Variants in KIF16B observed in about 807,000 individuals in gnomAD.
KIF16B encodes the protein kinesin family member 16B, also known as kinesin-like protein KIF16B.
In KIF16B, 98 loss-of-function variants were observed where a neutral mutation model predicts 156.3. The ratio of observed to expected loss-of-function variants is 0.63; its 90% CI spans 0.53 to 0.74. KIF16B has a LOEUF of 0.74. KIF16B is among the 30% of genes least tolerant of loss of function. KIF16B has a pLI of 0.00. For synonymous variants in KIF16B, 564 were observed against 583.7 expected, an observed-to-expected ratio of 0.97 and a Z score of 0.49; for missense variants, 1,421 against 1,606.5, an observed-to-expected ratio of 0.88 and a Z score of 1.97.
rs1489544321 is a variant in KIF16B at position 16,461,893 on chromosome 20, C to G, written c.1303-31911G>C. On this transcript the variant is annotated intron_variant, in intron 12 of 25. Transcript: ENST00000354981. ...TGGCCAAAAGCAGCAGTCTTCAAAG[C>G]GGTAGTTTTCTAAGGGCTAGAACAG... Among the ~76,000 whole-genome samples the G allele has an allele frequency of 2.0e-5, 3 of 152,220 alleles. No homozygotes were observed. In the East Asian group the frequency reaches 5.8e-4, roughly 29 times the overall value.
At chr20:16,310,587 C>T (rs2063604764) in intron 25 of KIF16B, among the ~76,000 whole-genome samples, 1 of 152,176 alleles carries the variant, frequency 6.6e-6, no homozygotes, top group South Asian at 2.1e-4. Flanking sequence ...AACCATCATT[C>T]TCCATGTTTC....
chr20:16,430,707 C>A (rs970873482), intron 12 of KIF16B, among the ~76,000 whole-genome samples: 1 of 152,018 alleles, frequency 6.6e-6, no homozygotes, highest in African/African-American at 2.4e-5. Context: ...CACTGACTCT[C>A]CTGATGGTCT....
intron 25 of KIF16B, among the ~76,000 whole-genome samples, chr20:16,291,180 G>A (rs6080209): frequency 6.6e-6 from 1 of 152,142 alleles, no homozygotes; most frequent in Non-Finnish European, 1.5e-5. Context: ...ACCTTAATTC[G>A]AAAAATTTCA....
chr20:16,392,839 T>C (rs929177199), intron 17 of KIF16B, among the ~76,000 whole-genome samples: 1 of 152,238 alleles, frequency 6.6e-6, no homozygotes. Context: ...TAAGCAGCAG[T>C]TGCCATCAAA....
Position 16,336,003 on chromosome 20 carries a change from C to T in KIF16B, c.3634G>A (p.Asp1212Asn), listed in dbSNP as rs866157318. ...CGCCTGAATACAGTCCATGTCTCAT[C>T]TAGGACAGTAATCTATTAACCAGGA... is the stretch of plus-strand genomic sequence containing the variant. The part of the protein sequence containing the change: ...FEFEVKITVL[D>N]ETWTVFRRYS... The change falls in exon 24 of 26, where the codon GAT becomes AAT. Residue 1212 changes from aspartate to asparagine, a missense_variant. Physicochemically the swap from Asp to Asn is conservative, Grantham distance 23. Coordinates refer to ENST00000354981, the MANE Select transcript of KIF16B (RefSeq NM_024704.5). 1.9e-6 allele frequency: 3 copies of T among 1,600,986 alleles called. No individual in the cohort carries two copies. The highest frequency in any genetic ancestry group is 2.6e-6 in the Non-Finnish European group (3 of 1,172,662).
chr20:16,274,478 G>A (rs1461642534), intron 25 of KIF16B, among the ~76,000 whole-genome samples: 5 of 152,188 alleles, frequency 3.3e-5, no homozygotes, highest in Admixed American at 6.5e-5. Context: ...TTTAGGCCAG[G>A]CAAATCTCAT....
chr20:16,299,442 G>A (rs569701237), intron 25 of KIF16B, among the ~76,000 whole-genome samples: 1 of 152,294 alleles, frequency 6.6e-6, no homozygotes, highest in East Asian at 1.9e-4. Context: ...TGGAAAGTTT[G>A]AGATGGTTGT....
At chr20:16,463,397 A>C (rs1253736695) in intron 12 of KIF16B, among the ~76,000 whole-genome samples, 2 of 152,222 alleles carry the variant, frequency 1.3e-5, no homozygotes, top group East Asian at 3.8e-4. Context: ...TCCCTCTCAA[A>C]GTATCCTAGC....
chr20:16,523,226 G>A (rs1036362707), intron 3 of KIF16B, among the ~76,000 whole-genome samples: 5 of 152,198 alleles, frequency 3.3e-5, no homozygotes, highest in African/African-American at 1.2e-4. Flanking sequence ...ATTCGAATAA[G>A]AAGAGAGAAA....
chr20:16,364,250 G>T (rs1484833933), intron 22 of KIF16B, among the ~76,000 whole-genome samples: 1 of 152,108 alleles, frequency 6.6e-6, no homozygotes, highest in Non-Finnish European at 1.5e-5. Flanking sequence ...TGTAAAACAG[G>T]CAGCTGTGCA....
intron 22 of KIF16B, among the ~76,000 whole-genome samples, chr20:16,361,571 A>G (rs2064553378): frequency 6.6e-6 from 1 of 152,222 alleles, no homozygotes; most frequent in South Asian, 2.1e-4. Flanking sequence ...ATCCCTGTGA[A>G]GGATGGGACT....
At chr20:16,567,055 C>T (rs2071279295) in intron 1 of KIF16B, among the ~76,000 whole-genome samples, 1 of 152,310 alleles carries the variant, frequency 6.6e-6, no homozygotes, top group East Asian at 1.9e-4. Flanking sequence ...CCAACCACCC[C>T]CTGCCCACCT....
chr20:16,507,942 C>G lies in KIF16B; in HGVS notation c.699+16G>C, dbSNP rs1326907566. ...ACCTCAGGGATGGAGCCAGCTGGTC[C>G]CGCAGCAGCCCTTACCTGAGTGAAC... is the stretch of plus-strand genomic sequence containing the variant. On this transcript the variant is annotated intron_variant, in intron 7 of 25. Coordinates refer to ENST00000354981, the MANE Select transcript of KIF16B (RefSeq NM_024704.5). 1 of 1,613,754 alleles carries G rather than the reference C, an allele frequency of 6.2e-7. No homozygotes were observed. The highest frequency in any genetic ancestry group is 1.3e-5 in the African/African-American group (1 of 74,920).
intron 2 of KIF16B, among the ~76,000 whole-genome samples, chr20:16,527,508 A>G (rs904867026): frequency 6.6e-6 from 1 of 152,222 alleles, no homozygotes; most frequent in African/African-American, 2.4e-5. Flanking sequence ...CTAAAAGTTA[A>G]TGACAAATAT....
intron 12 of KIF16B, among the ~76,000 whole-genome samples, chr20:16,447,537 C>T (rs1454655424): frequency 7.9e-5 from 12 of 151,794 alleles, no homozygotes; most frequent in Non-Finnish European, 1.6e-4. Context: ...ATTTTGGAGG[C>T]CTGAGGCAGG....
chr20:16,484,303 C>T (rs2068058817), intron 12 of KIF16B, among the ~76,000 whole-genome samples: 1 of 152,212 alleles, frequency 6.6e-6, no homozygotes, highest in African/African-American at 2.4e-5. Context: ...TCAGTAACAA[C>T]ATCAGAGCTG....
chr20:16,289,324 G>A (rs1175004386), intron 25 of KIF16B, among the ~76,000 whole-genome samples: 1 of 152,116 alleles, frequency 6.6e-6, no homozygotes, highest in Non-Finnish European at 1.5e-5. Flanking sequence ...AGTTGATACT[G>A]TCTATATAAC....
intron 17 of KIF16B, among the ~76,000 whole-genome samples, chr20:16,397,897 C>A (rs2065551795): frequency 6.6e-6 from 1 of 152,214 alleles, no homozygotes; most frequent in East Asian, 1.9e-4. Context: ...GTGCTGAGAG[C>A]ACATGTGCTG....
chr20:16,557,154 T>TAC (rs1237641077), intron 1 of KIF16B, among the ~76,000 whole-genome samples: 1 of 114,410 alleles, frequency 8.7e-6, no homozygotes, highest in African/African-American at 3.9e-5. Flanking sequence ...ATACTATATA[T>TAC]ATATACACAC....
Sources: gnomAD v4.1 joint callset for allele counts (sites outside exome capture counted in the v4.1 genomes callset) on GRCh38, gnomAD v4.1.1 for gene constraint, MANE v1.5 for transcripts, NCBI Gene and HGNC (gene_info 2026-07-23, HGNC 2026-07-21) for gene names.